TBX2: variants seen among roughly 807,000 people sequenced by gnomAD.
The protein encoded by TBX2 is T-box transcription factor TBX2.
A neutral mutation model predicts 48.4 loss-of-function variants in TBX2; 19 were observed. That is an observed-to-expected ratio of 0.39 (90% CI 0.27 to 0.58). TBX2 has a LOEUF of 0.58. Among genes scored for constraint, TBX2 ranks in the 20% least tolerant of loss-of-function variants. The pLI is 0.54. For synonymous variants in TBX2, 522 were observed against 459.7 expected (o/e 1.14, Z -1.73); for missense variants, 994 against 1,006.5 (o/e 0.99, Z 0.17).
At position 61,405,667 on chromosome 17, in the gene TBX2, T is replaced by C. The variant is rs1243368065; in HGVS notation, c.1517T>C (p.Met506Thr). Residue 506 changes from methionine to threonine, a missense_variant, in exon 6 of 7, where the codon ATG (methionine) becomes ACG (threonine). Met to Thr is a moderately conservative substitution (Grantham distance 81, BLOSUM62 -1). Coordinates refer to ENST00000240328, the MANE Select transcript of TBX2 (RefSeq NM_005994.4). The stretch of plus-strand genomic sequence containing the variant: ...ATGGGCCCTGGCGCCTTCTCCGCCA[T>C]GGGCATGGGTCACCTACTGGCCTCG... ...FTMGPGAFSA[M>T]GMGHLLASVA... is the part of the protein sequence containing the mutation. 6.9e-7 allele frequency: 1 copy of C among 1,455,222 alleles called. No homozygotes were observed. Among genetic ancestry groups the C allele is most frequent in the Non-Finnish European group, 9.0e-7 (1 of 1,108,684 alleles). 90.1% of individuals were successfully genotyped at this position (1,455,222 alleles called of 1,614,324 possible).
chr17:61,404,734 C>A lies in TBX2; in HGVS notation c.1016C>A (p.Ala339Glu), dbSNP rs1181469768. ...CGGGAACCACCCACCTCCCCGGGCG[C>A]AGCGCCCAGTCCGCTGCGCCTGCAC... Reference protein sequence around the residue: ...PAREPPTSPGAAPSPLRLHRA... With the variant: ...PAREPPTSPGEAPSPLRLHRA... Residue 339 changes from alanine to glutamate, a missense_variant, in exon 5 of 7, where the codon GCA becomes GAA. By Grantham distance (107) the Ala-to-Glu change is moderately radical. This residue lies in a region of TBX2 where 639 missense variants were observed against 613.2 expected (regional missense o/e 1.04). Transcript: ENST00000240328. 1 of 1,552,386 alleles carries A rather than the reference C, an allele frequency of 6.4e-7. No homozygotes were observed. The highest frequency in any genetic ancestry group is 1.9e-5 in the Admixed American group (1 of 52,040).
At position 61,405,428 on chromosome 17, in the gene TBX2, C is replaced by T. The variant is rs1276354870; in HGVS notation, c.1278C>T (p.Arg426=). Residue 426 remains arginine (R), a synonymous_variant, in exon 6 of 7, where the codon CGC becomes CGT. Coordinates refer to ENST00000240328, the MANE Select transcript of TBX2 (RefSeq NM_005994.4). ...GCCTGAGGAGCCTGGAGAAGGAGCG[C>T]GCCGAAGCTCGGAGGAAGGACGAGG... ...PFGLRSLEKE[R]AEARRKDEGR... is the part of the protein sequence containing the mutation. 1 of 1,554,994 alleles carries T rather than the reference C, an allele frequency of 6.4e-7. No homozygotes were observed. The highest frequency in any genetic ancestry group is 8.7e-7 in the Non-Finnish European group (1 of 1,154,300).
Position 61,400,271 on chromosome 17 carries a change from C to A in TBX2, c.95C>A (p.Ala32Glu). 8.4e-7 allele frequency: 1 copy of A among 1,186,750 alleles called. No individual in the cohort carries two copies. Among genetic ancestry groups the A allele is most frequent in the Non-Finnish European group, 1.1e-6 (1 of 936,130 alleles). 73.5% of individuals were successfully genotyped at this position (1,186,750 alleles called of 1,614,324 possible). A position where few individuals can be genotyped will look rare whatever the true frequency, so the allele number is the denominator to read the frequency against. The change falls in exon 1 of 7, where the codon GCG (alanine) becomes GAG (glutamate). Residue 32 changes from alanine to glutamate, a missense_variant. This residue lies in a region of TBX2 where 165 missense variants were observed against 136.8 expected (regional missense o/e 1.21). Coordinates refer to ENST00000240328, the MANE Select transcript of TBX2 (RefSeq NM_005994.4). The surrounding 1 kb of genome is among the most constrained non-coding windows in gnomAD (Gnocchi z 9.2). ...TTCCCCATGTCCGCCTTTCTGGCGG[C>A]GGCGCAGCCCTCCTTCTTCCCGGCA... ...ADFPMSAFLA[A>E]AQPSFFPALA...
At position 61,400,353 on chromosome 17, in the gene TBX2, GGCGGCGGCC is replaced by G. The variant is rs1603240542; in HGVS notation, c.186_194del (p.Ala69_Ala71del). 3 of 1,013,154 alleles carry G rather than the reference GGCGGCGGCC, an allele frequency of 3.0e-6. No homozygotes were observed. The East Asian group carries it at 2.9e-4, about 99-fold the overall frequency. 62.8% of individuals were successfully genotyped at this position (1,013,154 alleles called of 1,614,324 possible). On this transcript the variant is annotated inframe_deletion, in exon 1 of 7. Transcript: ENST00000240328. This position sits in a 1 kb window ranked among gnomAD's most constrained non-coding sequence, Gnocchi z 9.2. ...CGCTGCCCGACCCGGGCCTGGCGGG[GGCGGCGGCC>G]GCGGCGGCGGCGGCGGCAGCAGCGG...
At chr17:61,402,300 G>A (rs1603240982) in intron 2 of TBX2, among the ~76,000 whole-genome samples, 1 of 152,242 alleles carries the variant, frequency 6.6e-6, no homozygotes, top group African/African-American at 2.4e-5. Context: ...GCCTGTAGGT[G>A]CCGAGCTTGG....
intron 5 of TBX2, 73 bp downstream of exon 5, chr17:61,404,842 C>T (rs767331636): frequency 7.9e-6 from 12 of 1,520,518 alleles, no homozygotes; most frequent in Admixed American, 2.0e-5. Flanking sequence ...TGGTCTTTTG[C>T]TGAGCCACCC....
chr17:61,408,373 C>T lies in TBX2; in HGVS notation c.2006C>T (p.Ala669Val), dbSNP rs779016245. The part of the protein sequence containing the change: ...LPELALRKVG[A>V]PSRGALSPSG... The stretch of plus-strand genomic sequence containing the variant: ...GAGCTGGCTCTCCGCAAAGTAGGGG[C>T]CCCATCCCGCGGTGCCCTGTCGCCC... The change falls in exon 7 of 7, where the codon GCC (alanine) becomes GTC (valine). Residue 669 changes from alanine (A) to valine (V), a missense_variant. Ala to Val is a moderately conservative substitution (Grantham distance 64). Around this residue, in one of 5 missense-constraint regions of TBX2, gnomAD observed 639 missense variants for 613.2 expected, o/e 1.04. Coordinates refer to ENST00000240328, the MANE Select transcript of TBX2 (RefSeq NM_005994.4). The T allele has an allele frequency of 1.3e-6, 2 of 1,573,148 alleles. No homozygotes were observed.
At chr17:61,402,098 C>A (rs1202878888) in intron 2 of TBX2, 147 bp downstream of exon 2, 2 of 1,258,448 alleles carry the variant, frequency 1.6e-6, no homozygotes, top group Non-Finnish European at 2.1e-6. Flanking sequence ...GCCCTGTGGT[C>A]TACGTGGGCT....
Position 61,403,241 on chromosome 17 carries a change from A to C in TBX2, c.810+34A>C, listed in dbSNP as rs1165806123. ...GGCGGGCGGTGGGCTAAGCCCCTGC[A>C]CTGACGCCCCTCAACACGTGCAGGC... On this transcript the variant is annotated intron_variant, in intron 3 of 6. Transcript: ENST00000240328. The surrounding 1 kb of genome is among the most constrained non-coding windows in gnomAD (Gnocchi z 5.8). 4.4e-6 allele frequency: 7 copies of C among 1,606,242 alleles called. No individual in the cohort carries two copies. Among genetic ancestry groups the C allele is most frequent in the Non-Finnish European group, 5.9e-6 (7 of 1,179,126 alleles).
Position 61,405,703 on chromosome 17 carries a change from G to T in TBX2, c.1553G>T (p.Gly518Val). ...CACCTACTGGCCTCGGTGGCAGGCG[G>T]CGGCAACGGCGGAGGTGGCGGGCCT... ...MGHLLASVAG[G>V]GNGGGGGPGT... Residue 518 changes from glycine (G) to valine (V), a missense_variant, in exon 6 of 7, where the codon GGC becomes GTC. Coordinates refer to ENST00000240328, the MANE Select transcript of TBX2 (RefSeq NM_005994.4). 7.3e-7 allele frequency: 1 copy of T among 1,377,148 alleles called. No individual in the cohort carries two copies. Among genetic ancestry groups the T allele is most frequent in the South Asian group, 1.7e-5 (1 of 59,746 alleles). The allele number at this position is 1,377,148 out of a possible 1,614,324, so 85.3% of individuals were successfully genotyped here.
rs1555876930 is a variant in TBX2 at position 61,402,930 on chromosome 17, T to TAGAGAGAGAGAG, written c.664-101_664-90dup. On this transcript the variant is annotated intron_variant, in intron 2 of 6. Transcript: ENST00000240328. ...GAAAATGGGGAAGAGGAAGAACCGA[T>TAGAGAGAGAGAG]AGAGAGAGAGAGAGAGAGAGAGAGA... 687 of 172,092 alleles carry TAGAGAGAGAGAG rather than the reference T, an allele frequency of 4.0e-3. 2 individuals are homozygous for TAGAGAGAGAGAG. Among genetic ancestry groups the TAGAGAGAGAGAG allele is most frequent in the Middle Eastern group, 0.018 (13 of 720 alleles). The allele number at this position is 172,092 out of a possible 1,614,324, so 10.7% of individuals were successfully genotyped here.
In TBX2 at chr17:61,403,912, C is replaced by G. The variant is rs998740527; in HGVS notation, c.811-509C>G. On this transcript the variant is annotated intron_variant, in intron 3 of 6. Coordinates refer to ENST00000240328, the MANE Select transcript of TBX2 (RefSeq NM_005994.4). The surrounding 1 kb of genome is among the most constrained non-coding windows in gnomAD (Gnocchi z 5.8). Reference sequence around the variant, plus strand: ...GAACCAAGGTGTACGCTGGGCTGTGCGTGCCCCGTTTGGGGTGTGTTGGAT... The same window carrying G: ...GAACCAAGGTGTACGCTGGGCTGTGGGTGCCCCGTTTGGGGTGTGTTGGAT... Among the ~76,000 whole-genome samples, 3 of 152,062 alleles carry G rather than the reference C, an allele frequency of 2.0e-5. No individual in the cohort carries two copies. The highest frequency in any genetic ancestry group is 7.2e-5 in the African/African-American group (3 of 41,388).
chr17:61,405,340 G>T lies in TBX2; in HGVS notation c.1190G>T (p.Arg397Leu). ...PTRLTEPERA[R>L]ERRSPERGKE... ...CGCTTGACCGAACCCGAGCGCGCCC[G>T]GGAGCGGCGTAGTCCCGAGAGGGGC... Residue 397 changes from arginine (R) to leucine (L), a missense_variant, in exon 6 of 7, where the codon CGG becomes CTG. Coordinates refer to ENST00000240328, the MANE Select transcript of TBX2 (RefSeq NM_005994.4). 6.5e-7 allele frequency: 1 copy of T among 1,545,902 alleles called. No homozygotes were observed. Among genetic ancestry groups the T allele is most frequent in the Non-Finnish European group, 8.7e-7 (1 of 1,152,194 alleles).
Position 61,408,398 on chromosome 17 carries a change from C to A in TBX2, c.2031C>A (p.Pro677=). Residue 677 remains proline (P), a synonymous_variant, in exon 7 of 7, where the codon CCC becomes CCA. Coordinates refer to ENST00000240328, the MANE Select transcript of TBX2 (RefSeq NM_005994.4). ...CCCCATCCCGCGGTGCCCTGTCGCC[C>A]AGTGGCTCGGCCAAGGAGGCGGCCA... ...VGAPSRGALS[P]SGSAKEAANE... 6.4e-7 allele frequency: 1 copy of A among 1,554,516 alleles called. No individual in the cohort carries two copies.
intron 2 of TBX2, 108 bp from the exon 3 acceptor site, chr17:61,402,953 A>AAG: frequency 6.9e-6 from 1 of 145,284 alleles, no homozygotes. Flanking sequence ...AGAGAGAGAG[A>AAG]GAGAGAGAGA....
rs547510119 is a variant in TBX2, at chr17:61,400,863, G to A, written c.395+292G>A. On this transcript the variant is annotated intron_variant, in intron 1 of 6. Transcript: ENST00000240328. The surrounding 1 kb of genome is among the most constrained non-coding windows in gnomAD (Gnocchi z 9.2). ...TGAGTCCCAGCGCAGAGGAGGCCCCGCGGCTTGGCCCTGGCGGTCTCCTCC... is the reference window on the plus strand; with the variant it reads ...TGAGTCCCAGCGCAGAGGAGGCCCCACGGCTTGGCCCTGGCGGTCTCCTCC... Among the ~76,000 whole-genome samples, 201 of 152,294 alleles carry A rather than the reference G, an allele frequency of 1.3e-3. No homozygotes were observed. The highest frequency in any genetic ancestry group is 3.4e-3 in the Middle Eastern group (1 of 294).
chr17:61,404,595 C>T lies in TBX2; in HGVS notation c.888-11C>T, dbSNP rs2060279367. 3 of 1,588,422 alleles carry T rather than the reference C, an allele frequency of 1.9e-6. No homozygotes were observed. Among genetic ancestry groups the T allele is most frequent in the Admixed American group, 1.7e-5 (1 of 58,050 alleles). On this transcript the variant is annotated splice_polypyrimidine_tract_variant and intron_variant, in intron 4 of 6. Transcript: ENST00000240328. Reference sequence around the variant, plus strand: ...GCTCCCCGCTGACCTGGTTCATCCGCTCATCCCCAGGAAGCAGCTGACGCT... The same window carrying T: ...GCTCCCCGCTGACCTGGTTCATCCGTTCATCCCCAGGAAGCAGCTGACGCT...
At chr17:61,404,356 G>T (rs2060278440) in intron 3 of TBX2, 65 bp from the exon 4 acceptor site, 1 of 1,519,522 alleles carries the variant, frequency 6.6e-7, no homozygotes, top group Non-Finnish European at 8.9e-7. Context: ...GCTGACCTCG[G>T]GGTGCCACCG....
chr17:61,406,086 C>A lies in TBX2; in HGVS notation c.1686+250C>A, dbSNP rs554062056. ...CGTGTGACCTTTGGCAAGTCCCTGA[C>A]CCTCTCTGGGCCTGCTTCCTTCCCT... On this transcript the variant is annotated intron_variant, in intron 6 of 6. Transcript: ENST00000240328. This position sits in a 1 kb window ranked among gnomAD's most constrained non-coding sequence, Gnocchi z 5.7. The A allele has an allele frequency of 1.6e-5, 6 of 384,770 alleles. No individual in the cohort carries two copies. Among genetic ancestry groups the A allele is most frequent in the South Asian group, 1.4e-4 (1 of 6,994 alleles). 23.8% of individuals were successfully genotyped at this position (384,770 alleles called of 1,614,324 possible).
Sources: gnomAD v4.1 joint callset for allele counts (sites outside exome capture counted in the v4.1 genomes callset) on GRCh38, gnomAD v4.1.1 for gene constraint, gnomAD v4.1.1 regional missense constraint, Gnocchi (gnomAD v3.1) non-coding constraint, MANE v1.5 for transcripts, NCBI Gene and HGNC (gene_info 2026-07-23, HGNC 2026-07-21) for gene names.